The following THPO variants were observed in gnomAD, a reference collection of about 807,000 sequenced individuals.
The protein encoded by THPO is thrombopoietin, also known as MPL ligand.
In THPO, 12 loss-of-function variants were observed where a neutral mutation model predicts 17.0. The ratio of observed to expected loss-of-function variants is 0.71; its 90% confidence interval spans 0.45 to 1.14. The LOEUF (loss-of-function observed/expected upper bound fraction) is 1.14, where lower values mean the gene tolerates loss of function less well. Ranked by LOEUF, THPO falls within the 50% of genes most tolerant of loss-of-function variation. The probability of loss-of-function intolerance (pLI) is 0.00; values close to 1 mark genes in which losing one functional copy is unlikely to be tolerated. For synonymous variants in THPO, 188 were observed against 183.0 expected (o/e 1.03, Z -0.22); for missense variants, 365 against 427.5 (o/e 0.85, Z 1.29).
Position 184,372,235 on chromosome 3 carries a change from G to T in THPO, c.*278C>A. ...CCTTTGCAGAGTTATCACAGAAAAA[G>T]AGCATGTAGAGAATCAGTGAGTTGC... is the stretch of plus-strand genomic sequence containing the variant. On this transcript the variant is annotated 3_prime_UTR_variant, in exon 6 of 6. Transcript: ENST00000647395. 1 of 442,470 alleles carries T rather than the reference G, an allele frequency of 2.3e-6. No individual in the cohort carries two copies. The highest frequency in any genetic ancestry group is 4.1e-5 in the East Asian group (1 of 24,638). 27.4% of individuals were successfully genotyped at this position (442,470 alleles called of 1,614,324 possible).
chr3:184,374,898 C>T (rs2108621513), intron 4 of THPO, among the ~76,000 whole-genome samples: 1 of 152,332 alleles, frequency 6.6e-6, no homozygotes, highest in Non-Finnish European at 1.5e-5. Flanking sequence ...AAGGGATTCT[C>T]CTGCTTCAGC....
chr3:184,372,198 G>C lies in THPO; in HGVS notation c.*315C>G. 1 of 332,258 alleles carries C rather than the reference G, an allele frequency of 3.0e-6. No individual in the cohort carries two copies. The highest frequency in any genetic ancestry group is 5.8e-6 in the Non-Finnish European group (1 of 173,912). The allele number at this position is 332,258 out of a possible 1,614,324, so 20.6% of individuals were successfully genotyped here. The stretch of plus-strand genomic sequence containing the variant: ...AGTCTCTCCCTCTGTTCAACTGCCA[G>C]GCCAGCCCAGGCCTTTGCAGAGTTA... On this transcript the variant is annotated 3_prime_UTR_variant, in exon 6 of 6. Transcript: ENST00000647395.
intron 4 of THPO, among the ~76,000 whole-genome samples, chr3:184,373,938 T>G (rs1001266588): frequency 6.6e-6 from 1 of 152,152 alleles, no homozygotes; most frequent in Non-Finnish European, 1.5e-5. Context: ...ATTTTTAAAC[T>G]GAATGAAGGC....
At chr3:184,373,614 G>A (rs1277768672) in intron 4 of THPO, 32 bp from the exon 5 acceptor site, 1 of 1,611,602 alleles carries the variant, frequency 6.2e-7, no homozygotes, top group Non-Finnish European at 8.5e-7. Context: ...GAAGCGCACT[G>A]CCTCAAAGGG....
At position 184,372,479 on chromosome 3, in the gene THPO, G is replaced by C. The variant is rs771630662; in HGVS notation, c.*34C>G. 5 of 1,612,782 alleles carry C rather than the reference G, an allele frequency of 3.1e-6. No individual in the cohort carries two copies. The highest frequency in any genetic ancestry group is 4.2e-6 in the Non-Finnish European group (5 of 1,178,990). ...CCCTGCAGGGAAGGGAGCTGTACAC[G>C]AGACAATGCTGATGTCGGCAGTGTC... On this transcript the variant is annotated 3_prime_UTR_variant, in exon 6 of 6. Coordinates refer to ENST00000647395, the MANE Select transcript of THPO (RefSeq NM_000460.4).
Position 184,375,586 on chromosome 3 carries a change from C to A in THPO, c.157G>T (p.Val53Phe). The A allele has an allele frequency of 6.2e-7, 1 of 1,614,118 alleles. No homozygotes were observed. Among genetic ancestry groups the A allele is most frequent in the Non-Finnish European group, 8.5e-7 (1 of 1,180,028 alleles). The change falls in exon 4 of 6, where the codon GTT (valine) becomes TTT (phenylalanine). Residue 53 changes from valine (V) to phenylalanine (F), a missense_variant. By Grantham distance (50) the Val-to-Phe change is conservative. Transcript: ENST00000647395. ...AGGACAGGTGTAGGCAAAGGGTGAA[C>A]CTCTGGGCACTGGCTCTGTTGAAAA... ...LHSRLSQCPE[V>F]HPLPTPVLLP...
At chr3:184,379,586 T>G (rs1442696424), upstream of THPO, among the ~76,000 whole-genome samples, 1 of 151,994 alleles carries the variant, frequency 6.6e-6, no homozygotes, top group Non-Finnish European at 1.5e-5. Context: ...GATCGGCTGA[T>G]GGACCTTTCC....
At chr3:184,375,464 G>A (rs768431041) in intron 4 of THPO, 51 bp downstream of exon 4, 4 of 1,564,984 alleles carry the variant, frequency 2.6e-6, no homozygotes, top group Non-Finnish European at 3.5e-6. Flanking sequence ...GAAGCAGTGG[G>A]AAACTGAAGA....
chr3:184,373,648 C>T, intron 4 of THPO, 66 bp from the exon 5 acceptor site: 1 of 1,563,734 alleles, frequency 6.4e-7, no homozygotes, highest in Admixed American at 1.7e-5. Flanking sequence ...GGTGGGGAGC[C>T]TTAGGAGTAG....
At chr3:184,374,000 G>A (rs1010777291) in intron 4 of THPO, among the ~76,000 whole-genome samples, 1 of 152,230 alleles carries the variant, frequency 6.6e-6, no homozygotes, top group African/African-American at 2.4e-5. Flanking sequence ...GGCTGAGGCA[G>A]GTGGATCACC....
intron 4 of THPO, among the ~76,000 whole-genome samples, chr3:184,375,068 G>A (rs1170324551): frequency 2.0e-5 from 3 of 152,204 alleles, no homozygotes; most frequent in East Asian, 1.9e-4. Flanking sequence ...GATTACAGGC[G>A]TGAGCCCCCG....
At position 184,375,579 on chromosome 3, in the gene THPO, G is replaced by A. The variant is rs1472193897; in HGVS notation, c.164C>T (p.Pro55Leu). ...SRLSQCPEVH[P>L]LPTPVLLPAV... Reference sequence around the variant, plus strand: ...AGGCAGCAGGACAGGTGTAGGCAAAGGGTGAACCTCTGGGCACTGGCTCTG... The same window carrying A: ...AGGCAGCAGGACAGGTGTAGGCAAAAGGTGAACCTCTGGGCACTGGCTCTG... The change falls in exon 4 of 6, where the codon CCT becomes CTT. Residue 55 changes from proline (P) to leucine (L), a missense_variant. By Grantham distance (98) the Pro-to-Leu change is moderately conservative (BLOSUM62 -3). Transcript: ENST00000647395. 1 of 1,614,148 alleles carries A rather than the reference G, an allele frequency of 6.2e-7. No homozygotes were observed. The highest frequency in any genetic ancestry group is 1.1e-5 in the South Asian group (1 of 91,070).
chr3:184,372,451 G>A lies in THPO; in HGVS notation c.*62C>T. ...AATCTTGTCCAGTTGTCTCCCAGGG[G>A]CGCCCTGCAGGGAAGGGAGCTGTAC... is the stretch of plus-strand genomic sequence containing the variant. On this transcript the variant is annotated 3_prime_UTR_variant, in exon 6 of 6. Coordinates refer to ENST00000647395, the MANE Select transcript of THPO (RefSeq NM_000460.4). 6.3e-7 allele frequency: 1 copy of A among 1,599,228 alleles called. No individual in the cohort carries two copies. The highest frequency in any genetic ancestry group is 8.6e-7 in the Non-Finnish European group (1 of 1,167,238).
chr3:184,373,492 G>A lies in THPO; in HGVS notation c.319C>T (p.Leu107Phe). ...GAAAGCTGCCCCAGGAGGGATGAGAGGCAAGTGGGTCCCAGTTGTCCCCGT... is the reference window on the plus strand; with the variant it reads ...GAAAGCTGCCCCAGGAGGGATGAGAAGCAAGTGGGTCCCAGTTGTCCCCGT... ...AARGQLGPTC[L>F]SSLLGQLSGQ... Residue 107 changes from leucine (L) to phenylalanine (F), a missense_variant, in exon 5 of 6, where the codon CTC becomes TTC. Transcript: ENST00000647395. The A allele has an allele frequency of 6.2e-7, 1 of 1,614,196 alleles. No homozygotes were observed. Among genetic ancestry groups the A allele is most frequent in the South Asian group, 1.1e-5 (1 of 91,086 alleles).
At position 184,373,044 on chromosome 3, in the gene THPO, T is replaced by C. The variant is rs371267401; in HGVS notation, c.531A>G (p.Pro177=). The change falls in exon 6 of 6, where the codon CCA becomes CCG. Residue 177 remains proline, a synonymous_variant. Coordinates refer to ENST00000647395, the MANE Select transcript of THPO (RefSeq NM_000460.4). ...TTCTGCTGGGGACAGCTGTGGTGGGTGGGGCCCGCCTGACGCAGAGGGTGG... is the reference window on the plus strand; with the variant it reads ...TTCTGCTGGGGACAGCTGTGGTGGGCGGGGCCCGCCTGACGCAGAGGGTGG... ...GGSTLCVRRA[P]PTTAVPSRTS... 3.2e-5 allele frequency: 51 copies of C among 1,614,022 alleles called. No individual in the cohort carries two copies. Among genetic ancestry groups the C allele is most frequent in the Non-Finnish European group, 4.2e-5 (49 of 1,180,000 alleles).
Position 184,375,515 on chromosome 3 carries a change from C to A in THPO, c.228G>T (p.Met76Ile). The A allele has an allele frequency of 6.2e-7, 1 of 1,614,028 alleles. No individual in the cohort carries two copies. The highest frequency in any genetic ancestry group is 1.3e-5 in the African/African-American group (1 of 74,998). ...DFSLGEWKTQ[M>I]EETKAQDILG... is the part of the protein sequence containing the mutation. The stretch of plus-strand genomic sequence containing the variant: ...CCAAGGTTAGGGATGGCTTTCTTAC[C>A]ATCTGGGTTTTCCATTCTCCCAAGC... Residue 76 changes from methionine (M) to isoleucine (I), a missense_variant and splice_region_variant, in exon 4 of 6, where the codon ATG becomes ATT. Physicochemically the swap from Met to Ile is conservative, Grantham distance 10. Coordinates refer to ENST00000647395, the MANE Select transcript of THPO (RefSeq NM_000460.4).
chr3:184,375,281 G>A (rs1714293785), intron 4 of THPO, among the ~76,000 whole-genome samples: 1 of 152,208 alleles, frequency 6.6e-6, no homozygotes, highest in Non-Finnish European at 1.5e-5. Flanking sequence ...GGCCATGAGC[G>A]ATTTCTCTCC....
At position 184,378,207 on chromosome 3, in the gene THPO, T is replaced by G. The variant is rs1714591247; in HGVS notation, c.-278A>C. On this transcript the variant is annotated 5_prime_UTR_variant, in exon 1 of 6. Coordinates refer to ENST00000647395, the MANE Select transcript of THPO (RefSeq NM_000460.4). ...GTCATACGCCTGCCTGGGCCACTTC[T>G]GCCCAATCAGAGAAGGGAGCCACCA... is the stretch of plus-strand genomic sequence containing the variant. 1 of 985,360 alleles carries G rather than the reference T, an allele frequency of 1.0e-6. No individual in the cohort carries two copies. Among genetic ancestry groups the G allele is most frequent in the Admixed American group, 6.1e-5 (1 of 16,262 alleles). 61.0% of individuals were successfully genotyped at this position (985,360 alleles called of 1,614,324 possible).
At chr3:184,377,586 G>C (rs1234308915) in intron 1 of THPO, among the ~76,000 whole-genome samples, 2 of 152,192 alleles carry the variant, frequency 1.3e-5, no homozygotes, top group African/African-American at 4.8e-5. Context: ...AAAGAGGCTT[G>C]CACCTGATTC....
Sources: gnomAD v4.1 joint callset for allele counts (sites outside exome capture counted in the v4.1 genomes callset) on GRCh38, gnomAD v4.1.1 for gene constraint, MANE v1.5 for transcripts, NCBI Gene and HGNC (gene_info 2026-07-23, HGNC 2026-07-21) for gene names.